The following TOX variants were observed in gnomAD, a reference collection of about 807,000 sequenced individuals.
The protein encoded by TOX is thymocyte selection associated high mobility group box, also known as thymocyte selection-associated high mobility group box protein TOX.
In TOX, 11 loss-of-function variants were observed where a neutral mutation model predicts 53.7. The observed-to-expected ratio is 0.20, with a 90% CI of 0.13 to 0.34. TOX has a LOEUF of 0.34. Ranked by LOEUF, TOX falls within the 10% of genes least tolerant of loss-of-function variation. The pLI is 1.00. For missense variants in TOX, 570 were observed against 664.6 expected (o/e 0.86, Z 1.56); for synonymous variants, 225 against 245.3 (o/e 0.92, Z 0.77).
At chr8:59,082,943 C>T (rs1400088375) in intron 1 of TOX, among the ~76,000 whole-genome samples, 2 of 152,154 alleles carry the variant, frequency 1.3e-5, no homozygotes, top group Non-Finnish European at 2.9e-5. Flanking sequence ...ACCCCTTCAT[C>T]GTTGTTTTTT....
intron 3 of TOX, among the ~76,000 whole-genome samples, chr8:58,859,708 T>G (rs1810975402): frequency 6.6e-6 from 1 of 152,176 alleles, no homozygotes; most frequent in South Asian, 2.1e-4. Flanking sequence ...TCCTTTACAC[T>G]GTGGTCTCTC....
intron 1 of TOX, among the ~76,000 whole-genome samples, chr8:59,110,411 C>T (rs1404458860): frequency 6.6e-6 from 1 of 151,952 alleles, no homozygotes; most frequent in Non-Finnish European, 1.5e-5. Flanking sequence ...AACACTAATG[C>T]GTATAACACT....
intron 2 of TOX, among the ~76,000 whole-genome samples, chr8:58,953,642 G>T (rs1812661800): frequency 6.6e-6 from 1 of 152,172 alleles, no homozygotes; most frequent in African/African-American, 2.4e-5. Context: ...TGAGTAACTA[G>T]TCTGGGCTTG....
At chr8:58,871,353 C>T (rs1384410493) in intron 3 of TOX, among the ~76,000 whole-genome samples, 1 of 152,028 alleles carries the variant, frequency 6.6e-6, no homozygotes, top group Non-Finnish European at 1.5e-5. Flanking sequence ...AGGCATTTAT[C>T]AAAACCTTTA....
intron 2 of TOX, among the ~76,000 whole-genome samples, chr8:58,953,097 T>C (rs951840860): frequency 3.3e-5 from 5 of 152,096 alleles, no homozygotes; most frequent in Non-Finnish European, 1.5e-5. Context: ...TTTTAGCTAA[T>C]GGAGTCAATA....
intron 1 of TOX, among the ~76,000 whole-genome samples, chr8:58,976,215 G>A (rs77515959): frequency 5.1e-4 from 77 of 152,292 alleles, no homozygotes; most frequent in African/African-American, 1.8e-3. Flanking sequence ...TCCTACTGCT[G>A]CTCTATCAAC....
At chr8:58,952,726 C>T (rs1038590345) in intron 2 of TOX, among the ~76,000 whole-genome samples, 1 of 152,146 alleles carries the variant, frequency 6.6e-6, no homozygotes, top group Non-Finnish European at 1.5e-5. Context: ...TGATTTTTGT[C>T]ACTGAAATAC....
At chr8:59,111,137 T>A (rs904336255) in intron 1 of TOX, among the ~76,000 whole-genome samples, 2 of 152,102 alleles carry the variant, frequency 1.3e-5, no homozygotes, top group Admixed American at 6.6e-5. Flanking sequence ...CTCAAGAGAA[T>A]GGGAAACAGA....
intron 1 of TOX, among the ~76,000 whole-genome samples, chr8:58,999,463 G>A (rs905672637): frequency 1.3e-5 from 2 of 152,168 alleles, no homozygotes; most frequent in Admixed American, 1.3e-4. Flanking sequence ...TACAAGGGTT[G>A]AAAGGGTTGT....
At chr8:58,829,979 C>A (rs1810425849) in intron 5 of TOX, among the ~76,000 whole-genome samples, 1 of 152,140 alleles carries the variant, frequency 6.6e-6, no homozygotes, top group African/African-American at 2.4e-5. Context: ...TGAGCAAGTG[C>A]ACAGACCTTC....
At chr8:58,838,038 A>G in intron 5 of TOX, 43 bp downstream of exon 5, 1 of 1,591,870 alleles carries the variant, frequency 6.3e-7, no homozygotes, top group Non-Finnish European at 8.6e-7. Context: ...AGACTGCACA[A>G]TCTCAGCTTA....
intron 3 of TOX, among the ~76,000 whole-genome samples, chr8:58,877,294 C>T (rs1811302077): frequency 6.6e-6 from 1 of 152,084 alleles, no homozygotes; most frequent in African/African-American, 2.4e-5. Flanking sequence ...TGAAAGTCTT[C>T]ATTTGGTTTT....
chr8:59,021,005 C>G (rs1814115347), intron 1 of TOX, among the ~76,000 whole-genome samples: 1 of 150,358 alleles, frequency 6.7e-6, no homozygotes, highest in Non-Finnish European at 1.5e-5. Flanking sequence ...GTCCCAGCTA[C>G]TCAGGAGGCT....
intron 3 of TOX, among the ~76,000 whole-genome samples, chr8:58,927,832 C>G (rs775259072): frequency 6.6e-6 from 1 of 152,076 alleles, no homozygotes; most frequent in Non-Finnish European, 1.5e-5. Flanking sequence ...ACCACCAGCA[C>G]GAAAACTGAG....
intron 1 of TOX, among the ~76,000 whole-genome samples, chr8:58,995,235 C>A (rs1208656386): frequency 6.6e-6 from 1 of 152,132 alleles, no homozygotes; most frequent in Non-Finnish European, 1.5e-5. Context: ...CCCAATTTAG[C>A]CCCTAATGTG....
intron 1 of TOX, among the ~76,000 whole-genome samples, chr8:58,990,086 C>T (rs1469416192): frequency 6.6e-6 from 1 of 152,230 alleles, no homozygotes; most frequent in East Asian, 1.9e-4. Context: ...ATCCCACTGT[C>T]CCAAGCTCTT....
chr8:58,813,016 G>A (rs1810109505), intron 7 of TOX, among the ~76,000 whole-genome samples: 1 of 152,156 alleles, frequency 6.6e-6, no homozygotes, highest in African/African-American at 2.4e-5. Flanking sequence ...TCTCCATTTT[G>A]GGCTTATGCC....
Position 58,962,857 on chromosome 8 carries a change from A to T in TOX, c.103-2849T>A, listed in dbSNP as rs183453033. ...AAACTGAGAGAGGGAATTATGGTTAATTCTATAGGTCAACTTGACTAGGCC... is the reference window on the plus strand; with the variant it reads ...AAACTGAGAGAGGGAATTATGGTTATTTCTATAGGTCAACTTGACTAGGCC... On this transcript the variant is annotated intron_variant, in intron 1 of 8. Coordinates refer to ENST00000361421, the MANE Select transcript of TOX (RefSeq NM_014729.3). 3.0e-3 allele frequency among the ~76,000 whole-genome samples: 459 copies of T among 152,288 alleles called. 7 individuals are homozygous for T. The highest frequency in any genetic ancestry group is 3.8e-3 in the Non-Finnish European group (257 of 68,020).
chr8:58,878,733 T>C (rs1376659439), intron 3 of TOX, among the ~76,000 whole-genome samples: 2 of 152,134 alleles, frequency 1.3e-5, no homozygotes, highest in Non-Finnish European at 1.5e-5. Flanking sequence ...TGAGAATATA[T>C]TATTTGCCAG....
Sources: gnomAD v4.1 joint callset for allele counts (sites outside exome capture counted in the v4.1 genomes callset) on GRCh38, gnomAD v4.1.1 for gene constraint, MANE v1.5 for transcripts, NCBI Gene and HGNC (gene_info 2026-07-23, HGNC 2026-07-21) for gene names.